Variants in ZMAT4 observed in about 807,000 individuals in gnomAD.
ZMAT4 encodes zinc finger matrin-type 4, also known as zinc finger matrin-type protein 4.
In ZMAT4, 17 loss-of-function variants were observed where a neutral mutation model predicts 28.7. The ratio of observed to expected loss-of-function variants is 0.59; its 90% CI spans 0.41 to 0.89. The LOEUF (loss-of-function observed/expected upper bound fraction) is 0.89, where lower values mean the gene tolerates loss of function less well. Among genes scored for constraint, ZMAT4 ranks in the 40% least tolerant of loss-of-function variants. ZMAT4 has a pLI of 0.00. For synonymous variants in ZMAT4, 117 were observed against 109.2 expected, an observed-to-expected ratio of 1.07 and a Z score of -0.44; for missense variants, 240 against 283.8, an observed-to-expected ratio of 0.85 and a Z score of 1.11.
rs143838045 is a variant in ZMAT4 at position 40,766,082 on chromosome 8, G to A, written c.192+1559C>T. 2.6e-4 allele frequency among the ~76,000 whole-genome samples: 39 copies of A among 152,174 alleles called. 1 individual carries two copies. The East Asian group carries it at 7.2e-3, about 28-fold the overall frequency. On this transcript the variant is annotated intron_variant, in intron 3 of 6. Transcript: ENST00000297737. ...GGTATCCTCCTCCCTCCCTCCTGCG[G>A]CCTCCATCTGGTAAAATCCATTCAT...
At position 40,703,533 on chromosome 8, in the gene ZMAT4, A is replaced by G. The variant is rs529054601; in HGVS notation, c.193-6132T>C. Among the ~76,000 whole-genome samples, 14 of 152,356 alleles carry G rather than the reference A, an allele frequency of 9.2e-5. No individual in the cohort carries two copies. In the South Asian group the frequency reaches 2.7e-3, roughly 29 times the overall value. ...TGATATTTCCAGAATAAGAAAATCT[A>G]TAAATACAGAGAGTGAATTAGTGAT... On this transcript the variant is annotated intron_variant, in intron 3 of 6. Transcript: ENST00000297737.
At chr8:40,731,722 A>G (rs1489141716) in intron 3 of ZMAT4, among the ~76,000 whole-genome samples, 1 of 152,236 alleles carries the variant, frequency 6.6e-6, no homozygotes, top group Non-Finnish European at 1.5e-5. Context: ...AAAAGTCAAG[A>G]AAATGATTTA....
intron 1 of ZMAT4, among the ~76,000 whole-genome samples, chr8:40,859,561 TAACATAAGCAAGAC>T (rs1817418525): frequency 6.6e-6 from 1 of 152,142 alleles, no homozygotes; most frequent in Admixed American, 6.5e-5. Flanking sequence ...AGTGGGCTTT[TAACATAAGCAAGAC>T]AACCCCAATT....
chr8:40,815,894 G>A (rs189867542), intron 2 of ZMAT4, among the ~76,000 whole-genome samples: 1 of 152,218 alleles, frequency 6.6e-6, no homozygotes, highest in East Asian at 1.9e-4. Context: ...TCAGCTTCAC[G>A]GCAGCTCCCA....
At chr8:40,839,676 G>A (rs117582349) in intron 1 of ZMAT4, among the ~76,000 whole-genome samples, 3 of 152,294 alleles carry the variant, frequency 2.0e-5, no homozygotes, top group African/African-American at 4.8e-5. Context: ...ATGGATTGGA[G>A]GTCGATATCT....
chr8:40,757,442 C>G (rs575832792), intron 3 of ZMAT4, among the ~76,000 whole-genome samples: 1 of 151,860 alleles, frequency 6.6e-6, no homozygotes, highest in African/African-American at 2.4e-5. Context: ...AAAAATTAGC[C>G]GGGCATGATG....
At chr8:40,763,428 A>G (rs538177324) in intron 3 of ZMAT4, among the ~76,000 whole-genome samples, 17 of 152,292 alleles carry the variant, frequency 1.1e-4, no homozygotes, top group African/African-American at 3.8e-4. Context: ...TGCCTTCTCC[A>G]GGGCTTGTGA....
intron 2 of ZMAT4, among the ~76,000 whole-genome samples, chr8:40,798,263 C>T (rs539164830): frequency 6.6e-6 from 1 of 152,290 alleles, no homozygotes; most frequent in African/African-American, 2.4e-5. Context: ...GCACACATCT[C>T]GGAAAGAACT....
intron 5 of ZMAT4, among the ~76,000 whole-genome samples, chr8:40,611,195 A>C (rs1031856671): frequency 2.0e-5 from 3 of 152,180 alleles, no homozygotes; most frequent in Admixed American, 2.0e-4. Flanking sequence ...TTCCATTCAA[A>C]TGTGGAAAAT....
rs1804071028 is a variant in ZMAT4, at chr8:40,570,742, A to ACAAACAAT, written c.674+10422_674+10423insATTGTTTG. Among the ~76,000 whole-genome samples the ACAAACAAT allele has an allele frequency of 3.3e-5, 5 of 151,526 alleles. No individual in the cohort carries two copies. The South Asian group carries it at 1.0e-3, about 32-fold the overall frequency. ...ACAACGACAGAAAACAAACAAACAAACAAACAAAAAAACCTTGTGAAGTTT... is the reference window on the plus strand; with the variant it reads ...ACAACGACAGAAAACAAACAAACAAACAAACAATCAAACAAAAAAACCTTGTGAAGTTT... On this transcript the variant is annotated intron_variant, in intron 6 of 6. Transcript: ENST00000297737.
chr8:40,878,001 C>T (rs1239164550), intron 1 of ZMAT4, among the ~76,000 whole-genome samples: 2 of 152,234 alleles, frequency 1.3e-5, no homozygotes, highest in African/African-American at 2.4e-5. Context: ...CTGGAGCCTC[C>T]GAGGATTTTA....
intron 1 of ZMAT4, among the ~76,000 whole-genome samples, chr8:40,849,245 C>T (rs1461442595): frequency 6.6e-6 from 1 of 152,258 alleles, no homozygotes; most frequent in African/African-American, 2.4e-5. Flanking sequence ...TCAGGCCACT[C>T]TCAACACACA....
intron 1 of ZMAT4, among the ~76,000 whole-genome samples, chr8:40,891,693 C>A (rs1419488142): frequency 1.3e-5 from 2 of 152,092 alleles, no homozygotes; most frequent in South Asian, 2.1e-4. Flanking sequence ...CTGGTAGATC[C>A]CCTAGTGCCT....
intron 6 of ZMAT4, among the ~76,000 whole-genome samples, chr8:40,544,524 T>C (rs1020628848): frequency 1.7e-4 from 26 of 152,346 alleles, no homozygotes; most frequent in Non-Finnish European, 3.4e-4. Flanking sequence ...CATCAAGACA[T>C]GATCTCTCAG....
At chr8:40,879,924 A>G (rs909394266) in intron 1 of ZMAT4, among the ~76,000 whole-genome samples, 1 of 148,250 alleles carries the variant, frequency 6.7e-6, no homozygotes, top group Non-Finnish European at 1.5e-5. Flanking sequence ...GTACCGAACT[A>G]GTTTACTTAA....
chr8:40,710,851 G>A (rs1488332467), intron 3 of ZMAT4, among the ~76,000 whole-genome samples: 1 of 151,920 alleles, frequency 6.6e-6, no homozygotes, highest in Admixed American at 6.6e-5. Context: ...CGCGATCTCG[G>A]CTCACTGCAA....
chr8:40,853,650 T>C (rs1817195081), intron 1 of ZMAT4, among the ~76,000 whole-genome samples: 1 of 152,230 alleles, frequency 6.6e-6, no homozygotes, highest in Non-Finnish European at 1.5e-5. Context: ...TGGTTTCTTT[T>C]TACTGTGGGT....
intron 5 of ZMAT4, among the ~76,000 whole-genome samples, chr8:40,588,344 G>C (rs1804737885): frequency 6.6e-6 from 1 of 152,004 alleles, no homozygotes; most frequent in African/African-American, 2.4e-5. Flanking sequence ...AGATAAGACA[G>C]TGCTGGGGGA....
In ZMAT4 at chr8:40,697,319, G is replaced by A. The variant is rs368933570; in HGVS notation, c.275C>T (p.Ser92Phe). The A allele has an allele frequency of 1.2e-6, 2 of 1,613,710 alleles. No individual in the cohort carries two copies. Among genetic ancestry groups the A allele is most frequent in the Non-Finnish European group, 1.7e-6 (2 of 1,179,862 alleles). ...GGCGTGGATTTTGCCTTGATAATGG[G>A]AATCGGCCACCACCGCTGAAGTGAA... is the stretch of plus-strand genomic sequence containing the variant. The part of the protein sequence containing the change: ...MSFTSAVVAD[S>F]HYQGKIHAKR... The change falls in exon 4 of 7, where the codon TCC (serine) becomes TTC (phenylalanine). Residue 92 changes from serine (S) to phenylalanine (F), a missense_variant. Ser to Phe is a radical substitution (Grantham distance 155, BLOSUM62 -2). Transcript: ENST00000297737.
Sources: gnomAD v4.1 joint callset for allele counts (sites outside exome capture counted in the v4.1 genomes callset) on GRCh38, gnomAD v4.1.1 for gene constraint, MANE v1.5 for transcripts, NCBI Gene and HGNC (gene_info 2026-07-23, HGNC 2026-07-21) for gene names.